Variants in LRP1B observed in about 807,000 individuals in gnomAD.
LRP1B encodes low-density lipoprotein receptor-related protein 1B.
LRP1B carries 217 observed loss-of-function variants against 556.6 expected under a neutral mutation model. The observed-to-expected ratio is 0.39, with a 90% CI of 0.35 to 0.44. LRP1B has a LOEUF of 0.44. Among genes scored for constraint, LRP1B ranks in the 20% least tolerant of loss-of-function variants. The pLI is 1.00. For missense variants in LRP1B, 5,053 were observed against 5,620.8 expected (o/e 0.90, Z 3.23); for synonymous variants, 2,047 against 1,865.8 (o/e 1.10, Z -2.50).
In LRP1B at chr2:140,352,831, C is replaced by A. The variant is rs1682033815; in HGVS notation, c.11650+122G>T. ...TAACTAACCAACTGGCCAAATTAAT[C>A]ATCATTAAAAGTATTTTATCAGAAA... is the stretch of plus-strand genomic sequence containing the variant. On this transcript the variant is annotated intron_variant, in intron 76 of 90. Coordinates refer to ENST00000389484, the MANE Select transcript of LRP1B (RefSeq NM_018557.3). 5.2e-6 allele frequency: 5 copies of A among 955,672 alleles called. No homozygotes were observed. The East Asian group carries it at 1.3e-4, about 24-fold the overall frequency. The allele number at this position is 955,672 out of a possible 1,614,324, so 59.2% of individuals were successfully genotyped here.
intron 20 of LRP1B, among the ~76,000 whole-genome samples, chr2:140,935,587 G>A (rs1426482156): frequency 6.6e-6 from 1 of 152,062 alleles, no homozygotes; most frequent in Non-Finnish European, 1.5e-5. Flanking sequence ...CCAGAAGGAG[G>A]AGGAAGGGAG....
intron 86 of LRP1B, among the ~76,000 whole-genome samples, chr2:140,267,970 AC>A (rs1682286180): frequency 6.6e-6 from 1 of 151,882 alleles, no homozygotes; most frequent in East Asian, 1.9e-4. Flanking sequence ...GGGCTGCTAC[AC>A]CCATGAGAGA....
At chr2:142,023,729 G>T (rs184867649) in intron 1 of LRP1B, among the ~76,000 whole-genome samples, 16 of 152,288 alleles carry the variant, frequency 1.1e-4, no homozygotes, top group Admixed American at 2.0e-4. Flanking sequence ...ACAATGTGAA[G>T]CTGATGGAAA....
intron 32 of LRP1B, among the ~76,000 whole-genome samples, chr2:140,801,200 A>G (rs1288248854): frequency 3.9e-5 from 6 of 152,216 alleles, no homozygotes; most frequent in Non-Finnish European, 5.9e-5. Context: ...CTGTTCGTAC[A>G]TGATTATTTT....
At chr2:140,744,881 C>T (rs778016155) in intron 35 of LRP1B, among the ~76,000 whole-genome samples, 3 of 152,124 alleles carry the variant, frequency 2.0e-5, no homozygotes, top group East Asian at 3.9e-4. Context: ...TTTTTTCCTG[C>T]TGCATCCTTA....
chr2:140,637,083 C>T (rs1400560074), intron 41 of LRP1B, among the ~76,000 whole-genome samples: 1 of 152,132 alleles, frequency 6.6e-6, no homozygotes, highest in Non-Finnish European at 1.5e-5. Context: ...TAATAAACAA[C>T]TACAAAGTTG....
intron 41 of LRP1B, among the ~76,000 whole-genome samples, chr2:140,693,518 A>C (rs973593368): frequency 1.3e-5 from 2 of 152,100 alleles, no homozygotes; most frequent in Non-Finnish European, 2.9e-5. Context: ...ATTTACAGAT[A>C]ATTTGGGATA....
At chr2:140,665,898 AT>A (rs888050182) in intron 41 of LRP1B, among the ~76,000 whole-genome samples, 8 of 151,752 alleles carry the variant, frequency 5.3e-5, no homozygotes, top group African/African-American at 1.5e-4. Context: ...TTAAACAGAT[AT>A]TTTTTTCCTT....
In LRP1B at chr2:140,744,359, C is replaced by G. The variant is rs541498594; in HGVS notation, c.5758+24854G>C. ...ATATAACAAAATTTCATGGAAAATT[C>G]GTATTTTGATCTGAAGGACAGTGTT... On this transcript the variant is annotated intron_variant, in intron 35 of 90. Transcript: ENST00000389484. 6.8e-4 allele frequency among the ~76,000 whole-genome samples: 103 copies of G among 152,140 alleles called. 1 individual carries two copies. The Middle Eastern group carries it at 0.017, about 25-fold the overall frequency.
chr2:140,818,321 C>T (rs925716802), intron 31 of LRP1B, among the ~76,000 whole-genome samples: 1 of 152,166 alleles, frequency 6.6e-6, no homozygotes, highest in Non-Finnish European at 1.5e-5. Flanking sequence ...TAGAAAACAA[C>T]TCCTTCTACT....
intron 84 of LRP1B, among the ~76,000 whole-genome samples, chr2:140,293,350 G>C (rs1454223772): frequency 6.6e-6 from 1 of 152,132 alleles, no homozygotes; most frequent in Non-Finnish European, 1.5e-5. Flanking sequence ...TTCTAGAATA[G>C]TGAGAAGTGC....
chr2:140,403,770 C>T (rs1684608684), intron 66 of LRP1B, among the ~76,000 whole-genome samples: 1 of 152,064 alleles, frequency 6.6e-6, no homozygotes, highest in South Asian at 2.1e-4. Flanking sequence ...ACAAGGAGTT[C>T]AAAGAACTCC....
chr2:141,345,123 G>A (rs979151160), intron 3 of LRP1B, among the ~76,000 whole-genome samples: 3 of 91,938 alleles, frequency 3.3e-5, no homozygotes, highest in Non-Finnish European at 7.1e-5. Context: ...TTGAATGATG[G>A]AAGAGGCCAT....
intron 3 of LRP1B, among the ~76,000 whole-genome samples, chr2:141,383,467 T>C (rs13384231): frequency 0.093 from 14,141 of 152,200 alleles, 1,166 homozygotes; most frequent in African/African-American, 0.22. Flanking sequence ...ACGTAATTTT[T>C]CATCAATGGT....
intron 2 of LRP1B, among the ~76,000 whole-genome samples, chr2:141,506,828 T>C (rs1335404713): frequency 6.6e-6 from 1 of 152,058 alleles, no homozygotes; most frequent in African/African-American, 2.4e-5. Context: ...GGGAAAAAAA[T>C]ATTATAAATT....
chr2:140,746,226 C>T (rs422575), intron 35 of LRP1B, among the ~76,000 whole-genome samples: 46,842 of 151,910 alleles, frequency 0.31, 7,277 homozygotes, highest in South Asian at 0.39. Flanking sequence ...AGAAACTCTT[C>T]AGCACTTTTT....
chr2:140,676,541 C>T (rs569476536), intron 41 of LRP1B, among the ~76,000 whole-genome samples: 2 of 152,226 alleles, frequency 1.3e-5, no homozygotes, highest in East Asian at 1.9e-4. Flanking sequence ...AGTTTGATAA[C>T]TTCTCTTCAC....
intron 1 of LRP1B, among the ~76,000 whole-genome samples, chr2:141,930,199 G>A (rs1018389465): frequency 1.3e-5 from 2 of 151,968 alleles, no homozygotes; most frequent in Non-Finnish European, 2.9e-5. Context: ...TCATGCTAGT[G>A]TCTTGGGACT....
chr2:140,448,423 T>C (rs1464800976), intron 63 of LRP1B, among the ~76,000 whole-genome samples: 1 of 152,082 alleles, frequency 6.6e-6, no homozygotes, highest in African/African-American at 2.4e-5. Flanking sequence ...TAATATTCAA[T>C]ATTTTACAAT....
Sources: allele counts gnomAD v4.1 joint callset (sites outside exome capture counted in the v4.1 genomes callset), GRCh38; gene constraint gnomAD v4.1.1; transcripts MANE v1.5; gene names NCBI Gene and HGNC (gene_info 2026-07-23, HGNC 2026-07-21).